Variants in DKK2 observed in about 807,000 individuals in gnomAD.
DKK2 encodes dickkopf-related protein 2.
A neutral mutation model predicts 28.1 loss-of-function variants in DKK2; 11 were observed. The ratio of observed to expected loss-of-function variants is 0.39; its 90% CI spans 0.25 to 0.65. DKK2 has a LOEUF of 0.65. Among genes scored for constraint, DKK2 ranks in the 30% least tolerant of loss-of-function variants. The pLI, the probability that DKK2 is intolerant of heterozygous loss-of-function variation, is 0.47. For missense variants in DKK2, 326 were observed against 335.5 expected (o/e 0.97, Z 0.22); for synonymous variants, 135 against 126.5 (o/e 1.07, Z -0.45).
intron 1 of DKK2, among the ~76,000 whole-genome samples, chr4:106,927,199 G>T (rs1421402294): frequency 6.6e-6 from 1 of 152,094 alleles, no homozygotes; most frequent in Non-Finnish European, 1.5e-5. Flanking sequence ...TTATGAATTA[G>T]GTTTGATGGT....
At chr4:106,946,588 G>A (rs1306943128) in intron 1 of DKK2, among the ~76,000 whole-genome samples, 1 of 152,054 alleles carries the variant, frequency 6.6e-6, no homozygotes, top group African/African-American at 2.4e-5. Flanking sequence ...TCAAGAAGCA[G>A]CCAGCTGAAG....
chr4:106,946,994 C>G (rs1188287950), intron 1 of DKK2, among the ~76,000 whole-genome samples: 2 of 152,074 alleles, frequency 1.3e-5, no homozygotes, highest in Non-Finnish European at 2.9e-5. Context: ...ATGTTTAAAA[C>G]ATCCTCACTG....
At chr4:106,974,185 GT>G (rs1354198495) in intron 1 of DKK2, among the ~76,000 whole-genome samples, 3 of 152,072 alleles carry the variant, frequency 2.0e-5, no homozygotes, top group African/African-American at 7.2e-5. Context: ...GATGCCTCCA[GT>G]TTTCTTCTTT....
At chr4:106,998,421 C>T (rs1286115318) in intron 1 of DKK2, among the ~76,000 whole-genome samples, 2 of 152,162 alleles carry the variant, frequency 1.3e-5, no homozygotes, top group Non-Finnish European at 2.9e-5. Flanking sequence ...ATTTATCTAT[C>T]TTCCTTTACT....
chr4:106,932,478 A>G (rs1209932595), intron 1 of DKK2, among the ~76,000 whole-genome samples: 1 of 152,148 alleles, frequency 6.6e-6, no homozygotes, highest in Non-Finnish European at 1.5e-5. Context: ...TACAATACTG[A>G]TATTGATCAT....
intron 1 of DKK2, among the ~76,000 whole-genome samples, chr4:106,952,345 T>C (rs184733273): frequency 7.9e-4 from 121 of 152,264 alleles, no homozygotes; most frequent in Non-Finnish European, 1.2e-4. Flanking sequence ...CTCTTGGCTT[T>C]AGTTAATTTC....
chr4:106,996,896 A>T (rs917729310), intron 1 of DKK2, among the ~76,000 whole-genome samples: 2 of 152,168 alleles, frequency 1.3e-5, no homozygotes, highest in Non-Finnish European at 2.9e-5. Flanking sequence ...AGAAAATTTC[A>T]TCAACAAGCC....
chr4:106,948,999 C>T (rs1012890076), intron 1 of DKK2, among the ~76,000 whole-genome samples: 3 of 152,150 alleles, frequency 2.0e-5, no homozygotes, highest in African/African-American at 7.2e-5. Flanking sequence ...TAAGTTGAGG[C>T]CAATGTTTTA....
chr4:106,972,419 T>C (rs1351269554), intron 1 of DKK2, among the ~76,000 whole-genome samples: 3 of 137,154 alleles, frequency 2.2e-5, no homozygotes, highest in African/African-American at 7.8e-5. Context: ...ACAATGAAAA[T>C]CTAAAAAAAA....
chr4:106,994,491 CCACACA>C (rs112978532), intron 1 of DKK2, among the ~76,000 whole-genome samples: 301 of 145,830 alleles, frequency 2.1e-3, no homozygotes, highest in Middle Eastern at 0.018. Context: ...CACATGTACA[CCACACA>C]CACACACACA....
intron 1 of DKK2, among the ~76,000 whole-genome samples, chr4:106,967,786 A>G (rs1307402901): frequency 1.3e-5 from 2 of 150,988 alleles, no homozygotes; most frequent in Non-Finnish European, 3.0e-5. Flanking sequence ...AAGCAAGTAA[A>G]AGAGAAAGGA....
chr4:106,932,930 A>G (rs945223836), intron 1 of DKK2, among the ~76,000 whole-genome samples: 3 of 152,186 alleles, frequency 2.0e-5, no homozygotes, highest in Non-Finnish European at 2.9e-5. Flanking sequence ...TAAATCAAAC[A>G]AAATTGATTG....
At chr4:106,929,243 T>C (rs1354911224) in intron 1 of DKK2, among the ~76,000 whole-genome samples, 1 of 152,238 alleles carries the variant, frequency 6.6e-6, no homozygotes, top group South Asian at 2.1e-4. Context: ...TTACTTGCTA[T>C]GGCAATTGTT....
chr4:107,014,419 A>G (rs534828462), intron 1 of DKK2, among the ~76,000 whole-genome samples: 4 of 151,648 alleles, frequency 2.6e-5, no homozygotes, highest in Admixed American at 1.3e-4. Flanking sequence ...TTTCACTCAT[A>G]TGTAGGATCT....
At chr4:106,983,159 A>G (rs1723052050) in intron 1 of DKK2, among the ~76,000 whole-genome samples, 1 of 151,844 alleles carries the variant, frequency 6.6e-6, no homozygotes, top group African/African-American at 2.4e-5. Flanking sequence ...AGCAACTAGG[A>G]TGATGTCTTA....
chr4:107,028,379 T>C (rs918303185), intron 1 of DKK2, among the ~76,000 whole-genome samples: 2 of 152,226 alleles, frequency 1.3e-5, no homozygotes, highest in Non-Finnish European at 2.9e-5. Flanking sequence ...CATTTGACTT[T>C]ACTTATTTCT....
At chr4:106,989,824 G>C (rs944017449) in intron 1 of DKK2, among the ~76,000 whole-genome samples, 8 of 152,120 alleles carry the variant, frequency 5.3e-5, no homozygotes, top group African/African-American at 1.9e-4. Flanking sequence ...GTATAATAAT[G>C]GTGAAAGCTT....
chr4:107,005,474 A>G (rs993155367), intron 1 of DKK2, among the ~76,000 whole-genome samples: 10 of 152,180 alleles, frequency 6.6e-5, no homozygotes, highest in Non-Finnish European at 1.0e-4. Context: ...ATGAATCAAC[A>G]AAAAGTCCTA....
intron 1 of DKK2, among the ~76,000 whole-genome samples, chr4:106,956,659 C>A (rs1382273250): frequency 3.3e-5 from 5 of 152,146 alleles, no homozygotes; most frequent in Admixed American, 6.5e-5. Context: ...GGAAAGGATT[C>A]CCTATTTAAT....
Sources: allele counts gnomAD v4.1 joint callset (sites outside exome capture counted in the v4.1 genomes callset), GRCh38; gene constraint gnomAD v4.1.1; transcripts MANE v1.5; gene names NCBI Gene and HGNC (gene_info 2026-07-23, HGNC 2026-07-21).